The following DCC variants were observed in gnomAD, a reference collection of about 807,000 sequenced individuals.
DCC encodes the protein netrin receptor DCC.
DCC carries 58 observed loss-of-function variants against 172.5 expected under a neutral mutation model. The ratio of observed to expected loss-of-function variants is 0.34; its 90% CI spans 0.27 to 0.42. The LOEUF is 0.42. DCC is among the 10% of genes least tolerant of loss of function. The probability of loss-of-function intolerance (pLI) is 1.00; values close to 1 mark genes in which losing one functional copy is unlikely to be tolerated. For synonymous variants in DCC, 709 were observed against 644.5 expected (o/e 1.10, Z -1.52); for missense variants, 1,740 against 1,791.0 (o/e 0.97, Z 0.51).
At chr18:52,395,006 A>G (rs994972933) in intron 1 of DCC, among the ~76,000 whole-genome samples, 1 of 152,088 alleles carries the variant, frequency 6.6e-6, no homozygotes, top group Non-Finnish European at 1.5e-5. Flanking sequence ...CATCAGAAGT[A>G]AAATAAACGG....
Position 53,439,636 on chromosome 18 carries a change from C to A in DCC, c.3229+4427C>A, listed in dbSNP as rs1039447101. Among the ~76,000 whole-genome samples, 3 of 152,116 alleles carry A rather than the reference C, an allele frequency of 2.0e-5. No individual in the cohort carries two copies. In the South Asian group the frequency reaches 6.2e-4, roughly 32 times the overall value. ...TCTTGGAATTCAAATAAAGAAAAAC[C>A]AAACTATAGTTCATGTTTACTCCTG... On this transcript the variant is annotated intron_variant, in intron 22 of 28. Transcript: ENST00000442544.
intron 12 of DCC, among the ~76,000 whole-genome samples, chr18:53,224,845 A>G (rs7238231): frequency 0.14 from 20,603 of 152,134 alleles, 2,258 homozygotes; most frequent in African/African-American, 0.3. Context: ...TTAAATATAC[A>G]ATTAGGAATG....
rs556096024 is a variant in DCC, at chr18:53,429,746, G to A, written c.3164-5398G>A. Among the ~76,000 whole-genome samples the A allele has an allele frequency of 5.5e-4, 84 of 152,206 alleles. 1 individual carries two copies. The Middle Eastern group carries it at 0.024, about 43-fold the overall frequency. ...CAAAGGTTTTGAAGAAGGGAAAGCA[G>A]CAAGAATTTGTAGAGCACCAGGGCT... On this transcript the variant is annotated intron_variant, in intron 21 of 28. Transcript: ENST00000442544.
chr18:53,209,421 G>T (rs1698535821), intron 11 of DCC, among the ~76,000 whole-genome samples: 1 of 152,094 alleles, frequency 6.6e-6, no homozygotes, highest in Non-Finnish European at 1.5e-5. Context: ...CATTTGGTGT[G>T]TTTAATTCTA....
intron 12 of DCC, among the ~76,000 whole-genome samples, chr18:53,244,489 G>A (rs570918353): frequency 6.6e-6 from 1 of 152,094 alleles, no homozygotes; most frequent in Non-Finnish European, 1.5e-5. Flanking sequence ...TGTGTTGACT[G>A]GGTTCAGCTG....
At chr18:53,110,158 A>G (rs763518874) in intron 7 of DCC, among the ~76,000 whole-genome samples, 16 of 151,700 alleles carry the variant, frequency 1.1e-4, no homozygotes, top group Non-Finnish European at 1.6e-4. Flanking sequence ...TTAGAAACGA[A>G]ATATTTAAAT....
chr18:53,255,436 C>T (rs1392531685), intron 12 of DCC, among the ~76,000 whole-genome samples: 1 of 143,340 alleles, frequency 7.0e-6, no homozygotes, highest in Non-Finnish European at 1.5e-5. Flanking sequence ...TCATTGTTCA[C>T]TTCCCACCTA....
chr18:53,396,811 A>C (rs1908974136), intron 17 of DCC, among the ~76,000 whole-genome samples: 1 of 152,218 alleles, frequency 6.6e-6, no homozygotes, highest in Non-Finnish European at 1.5e-5. Context: ...TATGCCAAAA[A>C]AACCACAGAT....
intron 1 of DCC, among the ~76,000 whole-genome samples, chr18:52,733,025 T>C (rs1047496410): frequency 3.9e-5 from 6 of 152,140 alleles, no homozygotes; most frequent in Non-Finnish European, 7.4e-5. Flanking sequence ...GTCCCCTGTT[T>C]GTAGCTACAG....
At chr18:53,121,231 C>T (rs897242030) in intron 7 of DCC, among the ~76,000 whole-genome samples, 8 of 151,782 alleles carry the variant, frequency 5.3e-5, no homozygotes, top group African/African-American at 1.9e-4. Context: ...GAAACAAAAG[C>T]AAATCGCTGG....
At chr18:53,393,491 A>C (rs1466673888) in intron 17 of DCC, among the ~76,000 whole-genome samples, 1 of 152,218 alleles carries the variant, frequency 6.6e-6, no homozygotes, top group East Asian at 1.9e-4. Flanking sequence ...AGATAACATT[A>C]TCAGAAAAGA....
At chr18:53,452,796 C>T (rs932363528) in intron 23 of DCC, among the ~76,000 whole-genome samples, 9 of 152,096 alleles carry the variant, frequency 5.9e-5, no homozygotes, top group African/African-American at 2.2e-4. Flanking sequence ...GTAGCAGACC[C>T]GTTGGCATTC....
chr18:53,377,017 G>A (rs1907337113), intron 15 of DCC, among the ~76,000 whole-genome samples: 1 of 151,950 alleles, frequency 6.6e-6, no homozygotes, highest in Non-Finnish European at 1.5e-5. Context: ...CACTTTCCCT[G>A]GACTGCCTAG....
Position 52,752,327 on chromosome 18 carries a change from G to A in DCC, c.365G>A (p.Gly122Glu). Reference sequence around the variant, plus strand: ...CTTTACCAATGTGAGGCATCTTTAGGAGATTCTGGCTCAATTATTAGTCGG... The same window carrying A: ...CTTTACCAATGTGAGGCATCTTTAGAAGATTCTGGCTCAATTATTAGTCGG... ...EGLYQCEASL[G>E]DSGSIISRTA... The change falls in exon 2 of 29, where the codon GGA becomes GAA. Residue 122 changes from glycine to glutamate, a missense_variant. Physicochemically the swap from Gly to Glu is moderately conservative, Grantham distance 98. Around this residue, in one of 2 missense-constraint regions of DCC, gnomAD observed 1,732 missense variants for 1,767.4 expected, o/e 0.98. Transcript: ENST00000442544. 6.2e-7 allele frequency: 1 copy of A among 1,614,188 alleles called. No homozygotes were observed. Among genetic ancestry groups the A allele is most frequent in the Admixed American group, 1.7e-5 (1 of 60,026 alleles).
At chr18:52,900,960 T>G (rs189572213) in intron 2 of DCC, among the ~76,000 whole-genome samples, 80 of 152,330 alleles carry the variant, frequency 5.3e-4, no homozygotes, top group African/African-American at 1.8e-3. Flanking sequence ...AGGAATTCAA[T>G]GTAAGGCAGA....
chr18:52,751,876 G>A (rs1033155340), intron 1 of DCC, among the ~76,000 whole-genome samples, 178 bp from the exon 2 acceptor site: 21 of 151,268 alleles, frequency 1.4e-4, no homozygotes, highest in African/African-American at 5.1e-4. Flanking sequence ...TGATTACCTC[G>A]ACTGGGTACT....
chr18:52,482,548 C>G (rs965530049), intron 1 of DCC, among the ~76,000 whole-genome samples: 32 of 151,282 alleles, frequency 2.1e-4, no homozygotes, highest in Non-Finnish European at 3.8e-4. Context: ...AGATGGCCTT[C>G]TTGTATCCTC....
chr18:52,596,451 G>A (rs1000209018), intron 1 of DCC, among the ~76,000 whole-genome samples: 25 of 152,224 alleles, frequency 1.6e-4, no homozygotes, highest in African/African-American at 4.8e-4. Flanking sequence ...ACTGAACCTC[G>A]TGATCATTGA....
intron 1 of DCC, among the ~76,000 whole-genome samples, chr18:52,555,662 G>T (rs117760881): frequency 6.6e-6 from 1 of 152,042 alleles, no homozygotes; most frequent in Non-Finnish European, 1.5e-5. Flanking sequence ...ACTCAGGTTT[G>T]CTTTTTAGTA....
Sources: gnomAD v4.1 joint callset for allele counts (sites outside exome capture counted in the v4.1 genomes callset) on GRCh38, gnomAD v4.1.1 for gene constraint, gnomAD v4.1.1 regional missense constraint, MANE v1.5 for transcripts, NCBI Gene and HGNC (gene_info 2026-07-23, HGNC 2026-07-21) for gene names.